Variants in DOCK8 observed in about 807,000 individuals in gnomAD.
DOCK8 encodes the protein dedicator of cytokinesis protein 8.
Under a neutral mutation model 245.6 loss-of-function variants are expected in DOCK8, and 141 were observed. The ratio of observed to expected loss-of-function variants is 0.57; its 90% CI spans 0.50 to 0.66. The LOEUF (loss-of-function observed/expected upper bound fraction) is 0.66. Ranked by LOEUF, DOCK8 falls within the 30% of genes least tolerant of loss-of-function variation. The pLI, the probability that DOCK8 is intolerant of heterozygous loss-of-function variation, is 0.00. For missense variants in DOCK8, 2,965 were observed against 2,603.4 expected, an observed-to-expected ratio of 1.14 and a Z score of -3.02; for synonymous variants, 1,168 against 970.2, an observed-to-expected ratio of 1.20 and a Z score of -3.79.
At chr9:287,447 G>C (rs1306307068) in intron 3 of DOCK8, among the ~76,000 whole-genome samples, 3 of 152,150 alleles carry the variant, frequency 2.0e-5, no homozygotes, top group Admixed American at 6.5e-5. Context: ...CTCCTGGACA[G>C]GTTCCATCTT....
intron 14 of DOCK8, among the ~76,000 whole-genome samples, chr9:346,078 G>A (rs2051869962): frequency 6.6e-6 from 1 of 151,850 alleles, no homozygotes; most frequent in African/African-American, 2.4e-5. Context: ...GCTAGAGCAG[G>A]GTCCTCTGAA....
intron 26 of DOCK8, among the ~76,000 whole-genome samples, chr9:402,229 ACTAT>A (rs1326288003): frequency 2.6e-5 from 4 of 151,962 alleles, no homozygotes; most frequent in African/African-American, 7.3e-5. Flanking sequence ...TCTCTTGCTC[ACTAT>A]CTTTCTCCTT....
At chr9:338,900 A>G (rs987646077) in intron 12 of DOCK8, 106 bp from the exon 13 acceptor site, 5 of 866,220 alleles carry the variant, frequency 5.8e-6, no homozygotes, top group South Asian at 5.7e-5. Context: ...TCTATGAAAG[A>G]CTTGTGAGAA....
intron 4 of DOCK8, among the ~76,000 whole-genome samples, chr9:290,586 T>C (rs1173935921): frequency 6.6e-6 from 1 of 152,230 alleles, no homozygotes; most frequent in Non-Finnish European, 1.5e-5. Flanking sequence ...TCTGAGCTTT[T>C]TCTCTCCATG....
chr9:248,529 CTCTCTTTCTTTCTTTCTTTCTCTCTCT>C (rs2047566084), intron 1 of DOCK8, among the ~76,000 whole-genome samples: 1 of 87,650 alleles, frequency 1.1e-5, no homozygotes, highest in East Asian at 5.2e-4. Context: ...CCCTCCCTCT[CTCTCTTTCTTTCTTTCTTTCTCTCTCT>C]CTCTCTTTCT....
intron 7 of DOCK8, among the ~76,000 whole-genome samples, chr9:324,451 C>T (rs1383829851): frequency 1.3e-5 from 2 of 152,240 alleles, no homozygotes; most frequent in Admixed American, 6.5e-5. Flanking sequence ...ACTTGGAAGA[C>T]CTTCACCAGT....
intron 30 of DOCK8, among the ~76,000 whole-genome samples, chr9:419,796 A>G (rs1005136432): frequency 2.0e-5 from 3 of 152,200 alleles, no homozygotes; most frequent in African/African-American, 7.2e-5. Context: ...AAATAGCCTG[A>G]ACCCCCACAC....
At chr9:246,971 G>T (rs1332872331) in intron 1 of DOCK8, among the ~76,000 whole-genome samples, 12 of 152,028 alleles carry the variant, frequency 7.9e-5, no homozygotes, top group Admixed American at 7.9e-4. Flanking sequence ...TAGATAAAGG[G>T]TGATACCACA....
At chr9:376,157 TA>T in intron 18 of DOCK8, 52 bp from the exon 19 acceptor site, 1 of 1,280,326 alleles carries the variant, frequency 7.8e-7, no homozygotes, top group Non-Finnish European at 1.1e-6. Context: ...TGCTTGTTAG[TA>T]ATCAGAAAAG....
chr9:272,712 C>T (rs2048196256), intron 2 of DOCK8, among the ~76,000 whole-genome samples: 1 of 152,198 alleles, frequency 6.6e-6, no homozygotes, highest in Admixed American at 6.5e-5. Context: ...AACACATTTC[C>T]TCTTAAATTG....
chr9:215,149 C>T (rs1314871977), intron 1 of DOCK8, 120 bp downstream of exon 1: 2 of 1,475,616 alleles, frequency 1.4e-6, no homozygotes, highest in East Asian at 2.8e-5. Flanking sequence ...CGGGGCGCGC[C>T]TGAGACCTGG....
intron 14 of DOCK8, 45 bp from the exon 15 acceptor site, chr9:367,973 A>C (rs2131181441): frequency 6.6e-7 from 1 of 1,507,042 alleles, no homozygotes; most frequent in Middle Eastern, 1.9e-4. Context: ...TAGTTAAAAT[A>C]AACTCTAGAC....
chr9:316,437 T>G (rs1240362029), intron 6 of DOCK8, among the ~76,000 whole-genome samples: 1 of 152,214 alleles, frequency 6.6e-6, no homozygotes, highest in Admixed American at 6.5e-5. Context: ...GTAGAGCTCT[T>G]AATTTGTCAT....
intron 1 of DOCK8, among the ~76,000 whole-genome samples, chr9:238,885 G>A (rs1458534095): frequency 3.3e-5 from 5 of 152,090 alleles, no homozygotes; most frequent in African/African-American, 7.2e-5. Flanking sequence ...TATCCCAGCC[G>A]TCCAGGGCCA....
chr9:337,157 G>A (rs1312358731), intron 12 of DOCK8, among the ~76,000 whole-genome samples: 1 of 152,096 alleles, frequency 6.6e-6, no homozygotes, highest in Non-Finnish European at 1.5e-5. Context: ...ACGTCTTAAA[G>A]GCTCCACTTC....
chr9:420,735 T>C (rs758342607), intron 31 of DOCK8, 152 bp downstream of exon 31: 7 of 1,244,112 alleles, frequency 5.6e-6, no homozygotes, highest in Non-Finnish European at 8.2e-6. Context: ...GGTATAGATA[T>C]GATCATTTCA....
Position 277,457 on chromosome 9 carries a change from G to GAGA in DOCK8, c.156+5729_156+5731dup, listed in dbSNP as rs1554651516. On this transcript the variant is annotated intron_variant, in intron 2 of 47. Transcript: ENST00000432829. ...AAAAGAGAAGAGAGGAGAAGAGAAA[G>GAGA]AGAGAAGAGAAGAGAAGAGAAGAGA... Among the ~76,000 whole-genome samples the GAGA allele has an allele frequency of 1.3e-3, 169 of 129,462 alleles. 4 individuals are homozygous for GAGA. The highest frequency in any genetic ancestry group is 5.6e-3 in the African/African-American group (140 of 25,060). The allele number at this position is 129,462 out of a possible 152,430, so 84.9% of individuals were successfully genotyped here.
At chr9:306,184 C>T (rs1286101341) in intron 5 of DOCK8, among the ~76,000 whole-genome samples, 12 of 152,208 alleles carry the variant, frequency 7.9e-5, no homozygotes. Flanking sequence ...ATACAGGAAT[C>T]TCACCATGCT....
At chr9:299,416 C>T (rs2049422411) in intron 4 of DOCK8, among the ~76,000 whole-genome samples, 1 of 152,042 alleles carries the variant, frequency 6.6e-6, no homozygotes, top group African/African-American at 2.4e-5. Context: ...CAGGTGGCAC[C>T]ATACTCGGCT....
Sources: allele counts gnomAD v4.1 joint callset (sites outside exome capture counted in the v4.1 genomes callset), GRCh38; gene constraint gnomAD v4.1.1; transcripts MANE v1.5; gene names NCBI Gene and HGNC (gene_info 2026-07-23, HGNC 2026-07-21).